The following UCK2 variants were observed in gnomAD, a reference collection of about 807,000 sequenced individuals.
The protein encoded by UCK2 is cytidine monophosphokinase 2.
A neutral mutation model predicts 30.8 loss-of-function variants in UCK2; 6 were observed. That is an observed-to-expected ratio of 0.19 (90% confidence interval 0.11 to 0.38). The LOEUF is 0.38. UCK2 is among the 10% of genes least tolerant of loss of function. The probability of loss-of-function intolerance (pLI) is 1.00; values close to 1 mark genes in which losing one functional copy is unlikely to be tolerated. For synonymous variants in UCK2, 125 were observed against 133.6 expected, an observed-to-expected ratio of 0.94 and a Z score of 0.45; for missense variants, 210 against 339.8, an observed-to-expected ratio of 0.62 and a Z score of 3.00.
At chr1:165,879,375 C>G (rs988972226) in intron 1 of UCK2, among the ~76,000 whole-genome samples, 2 of 152,166 alleles carry the variant, frequency 1.3e-5, no homozygotes, top group Non-Finnish European at 2.9e-5. Context: ...TTCAGCACCA[C>G]TTCTTGAAAA....
rs74343463 is a variant in UCK2 at position 165,847,045 on chromosome 1, G to C, written c.99+19113G>C. 7.6e-3 allele frequency among the ~76,000 whole-genome samples: 1,154 copies of C among 152,184 alleles called. 7 individuals carry two copies. The highest frequency in any genetic ancestry group is 0.013 in the Non-Finnish European group (873 of 68,010). Reference sequence around the variant, plus strand: ...CTCATTTAACTGGCCAGTTAATGAGGCTGCTGCTGCTGTGAAGTGTGTGTG... The same window carrying C: ...CTCATTTAACTGGCCAGTTAATGAGCCTGCTGCTGCTGTGAAGTGTGTGTG... On this transcript the variant is annotated intron_variant, in intron 1 of 6. Transcript: ENST00000367879.
At chr1:165,838,633 C>T (rs931684614) in intron 1 of UCK2, among the ~76,000 whole-genome samples, 1 of 152,056 alleles carries the variant, frequency 6.6e-6, no homozygotes, top group Admixed American at 6.6e-5. Context: ...TTGCTGTTCA[C>T]ATTTGTATTT....
intron 1 of UCK2, among the ~76,000 whole-genome samples, chr1:165,845,169 G>A (rs567598148): frequency 3.9e-5 from 6 of 152,128 alleles, no homozygotes; most frequent in Non-Finnish European, 7.3e-5. Context: ...CAGGTAGATC[G>A]TGTCAGAATT....
At chr1:165,828,276 G>C (rs557804186) in intron 1 of UCK2, among the ~76,000 whole-genome samples, 4 of 152,304 alleles carry the variant, frequency 2.6e-5, no homozygotes, top group African/African-American at 7.2e-5. Context: ...TCCAGTGTCG[G>C]GGGAGAGGGC....
intron 1 of UCK2, among the ~76,000 whole-genome samples, chr1:165,843,330 C>T (rs1432227877): frequency 6.6e-6 from 1 of 151,908 alleles, no homozygotes; most frequent in Non-Finnish European, 1.5e-5. Context: ...AACTGAATTT[C>T]ACATGTATAG....
chr1:165,867,028 A>C (rs1655063395), intron 1 of UCK2, among the ~76,000 whole-genome samples: 1 of 152,198 alleles, frequency 6.6e-6, no homozygotes, highest in South Asian at 2.1e-4. Flanking sequence ...TATCATAGTA[A>C]AGTGTCACAC....
chr1:165,896,904 G>C (rs2101884813), intron 4 of UCK2, among the ~76,000 whole-genome samples: 1 of 152,358 alleles, frequency 6.6e-6, no homozygotes, highest in Non-Finnish European at 1.5e-5. Context: ...CTGTGCTTGT[G>C]TGCTGAAGGC....
At chr1:165,865,005 A>G (rs1386066979) in intron 1 of UCK2, among the ~76,000 whole-genome samples, 1 of 152,172 alleles carries the variant, frequency 6.6e-6, no homozygotes, top group East Asian at 1.9e-4. Flanking sequence ...GATTTTACAC[A>G]CACACACATG....
Position 165,890,829 on chromosome 1 carries a change from G to C in UCK2, c.260-397G>C, listed in dbSNP as rs1655747039. The C allele has an allele frequency of 3.9e-5, 10 of 258,054 alleles. 1 individual carries two copies. In the South Asian group the frequency reaches 4.7e-4, roughly 12 times the overall value. 16.0% of individuals were successfully genotyped at this position (258,054 alleles called of 1,614,324 possible). ...AGCACACTGCTCCTTTAGCTGGCTT[G>C]GGTTTCTTATAATTGTTAGAAGCAA... On this transcript the variant is annotated intron_variant, in intron 2 of 6. Coordinates refer to ENST00000367879, the MANE Select transcript of UCK2 (RefSeq NM_012474.5).
intron 4 of UCK2, among the ~76,000 whole-genome samples, chr1:165,897,673 T>C (rs1571298674): frequency 2.0e-5 from 3 of 152,312 alleles, no homozygotes; most frequent in African/African-American, 7.2e-5. Flanking sequence ...ATGAAACAGA[T>C]CTGTAGTTTA....
intron 1 of UCK2, among the ~76,000 whole-genome samples, chr1:165,875,841 AAAC>A: frequency 6.6e-6 from 1 of 152,158 alleles, no homozygotes; most frequent in Non-Finnish European, 1.5e-5. Flanking sequence ...AGCTATCCGG[AAAC>A]TCCCTGTACC....
intron 1 of UCK2, among the ~76,000 whole-genome samples, chr1:165,878,104 C>T (rs1028253973): frequency 7.2e-5 from 11 of 152,160 alleles, no homozygotes; most frequent in African/African-American, 2.7e-4. Flanking sequence ...AATAGTTTCA[C>T]TTCCCTAAAA....
chr1:165,885,913 A>G (rs1655602886), intron 1 of UCK2, among the ~76,000 whole-genome samples: 1 of 152,240 alleles, frequency 6.6e-6, no homozygotes, highest in Non-Finnish European at 1.5e-5. Context: ...TAAAATACAC[A>G]TAACATAAAA....
intron 1 of UCK2, chr1:165,885,244 A>T (rs1655589940): frequency 2.5e-6 from 1 of 394,306 alleles, no homozygotes; most frequent in Admixed American, 4.4e-5. Flanking sequence ...CTATGGTTTG[A>T]GACTCAGCTT....
At chr1:165,880,448 C>T (rs527649759) in intron 1 of UCK2, among the ~76,000 whole-genome samples, 11 of 152,212 alleles carry the variant, frequency 7.2e-5, no homozygotes, top group African/African-American at 2.6e-4. Flanking sequence ...ACCCACAAGT[C>T]AGTAATAATT....
At chr1:165,894,088 G>A (rs562170065) in intron 3 of UCK2, 12 of 152,234 alleles carry the variant, frequency 7.9e-5, no homozygotes, top group East Asian at 7.7e-4. Flanking sequence ...GAGGCTCATT[G>A]TAGATCCTCT....
chr1:165,835,180 G>A (rs1166170433), intron 1 of UCK2, among the ~76,000 whole-genome samples: 1 of 152,048 alleles, frequency 6.6e-6, no homozygotes, highest in African/African-American at 2.4e-5. Flanking sequence ...AGTCTCCTAG[G>A]CTGTCTAGAG....
rs139802814 is a variant in UCK2, at chr1:165,907,539, G to A, written c.647-145G>A. 7.4e-3 allele frequency: 8,392 copies of A among 1,138,268 alleles called. 40 individuals carry two copies. Among genetic ancestry groups the A allele is most frequent in the Non-Finnish European group, 9.2e-3 (7,450 of 811,216 alleles). The allele number at this position is 1,138,268 out of a possible 1,614,324, so 70.5% of individuals were successfully genotyped here. A position where few individuals can be genotyped will look rare whatever the true frequency, so the allele number is the denominator to read the frequency against. ...CTCAGGCAGAGCCACTGGGAAGTTGGATGACTTGCCTGCAAGTGGCAGAGC... is the reference window on the plus strand; with the variant it reads ...CTCAGGCAGAGCCACTGGGAAGTTGAATGACTTGCCTGCAAGTGGCAGAGC... On this transcript the variant is annotated intron_variant, in intron 6 of 6. Transcript: ENST00000367879.
chr1:165,883,124 GGCTCTCA>G (rs1234772759), intron 1 of UCK2, among the ~76,000 whole-genome samples: 1 of 152,042 alleles, frequency 6.6e-6, no homozygotes, highest in Admixed American at 6.6e-5. Flanking sequence ...CACTCTTAAT[GGCTCTCA>G]GCTCTAATTA....
Sources: allele counts gnomAD v4.1 joint callset (sites outside exome capture counted in the v4.1 genomes callset), GRCh38; gene constraint gnomAD v4.1.1; transcripts MANE v1.5; gene names NCBI Gene and HGNC (gene_info 2026-07-23, HGNC 2026-07-21).